Variants in SYNPR observed in about 807,000 individuals in gnomAD.
SYNPR encodes the protein synaptoporin.
In SYNPR, 23 loss-of-function variants were observed where a neutral mutation model predicts 32.9. The observed-to-expected ratio is 0.70, with a 90% CI of 0.50 to 0.99. SYNPR has a LOEUF of 0.99. SYNPR is among the 50% of genes least tolerant of loss of function. The pLI is 0.00. For synonymous variants in SYNPR, 146 were observed against 135.9 expected (o/e 1.07, Z -0.52); for missense variants, 318 against 349.3 (o/e 0.91, Z 0.71).
chr3:63,501,402 C>G (rs1314706643), intron 3 of SYNPR, among the ~76,000 whole-genome samples: 1 of 150,440 alleles, frequency 6.6e-6, no homozygotes, highest in East Asian at 2.0e-4. Context: ...TCACTTGCAC[C>G]TGGGAGGTTA....
intron 1 of SYNPR, among the ~76,000 whole-genome samples, chr3:63,237,738 A>G (rs2086210349): frequency 6.6e-6 from 1 of 152,044 alleles, no homozygotes; most frequent in African/African-American, 2.4e-5. Flanking sequence ...TGTGATGTCA[A>G]TGACAGCTTA....
chr3:63,208,513 A>C, the SYNPR span, among the ~76,000 whole-genome samples: 1 of 152,232 alleles, frequency 6.6e-6, no homozygotes. Context: ...TCCTCTAGGA[A>C]ACAAAGCCGT....
chr3:63,295,896 T>A (rs974649756), intron 2 of SYNPR, among the ~76,000 whole-genome samples: 1 of 152,208 alleles, frequency 6.6e-6, no homozygotes, highest in Non-Finnish European at 1.5e-5. Flanking sequence ...CACCTTGAGC[T>A]TGTATATCTT....
At chr3:63,487,271 T>C (rs7633619) in intron 3 of SYNPR, among the ~76,000 whole-genome samples, 65,677 of 151,988 alleles carry the variant, frequency 0.43, 14,231 homozygotes, top group East Asian at 0.49. Flanking sequence ...GATTCAAATC[T>C]TCCACTCAGC....
intron 2 of SYNPR, among the ~76,000 whole-genome samples, chr3:63,425,737 T>C (rs995134938): frequency 6.6e-6 from 1 of 151,988 alleles, no homozygotes; most frequent in Non-Finnish European, 1.5e-5. Context: ...TAACACTTAT[T>C]CATGGAATTA....
chr3:63,373,662 G>A (rs1338193322), intron 2 of SYNPR, among the ~76,000 whole-genome samples: 1 of 152,148 alleles, frequency 6.6e-6, no homozygotes, highest in South Asian at 2.1e-4. Context: ...CATGTATCAG[G>A]ATATCTATGA....
chr3:63,461,623 C>G (rs1234146924), intron 2 of SYNPR, among the ~76,000 whole-genome samples: 1 of 151,894 alleles, frequency 6.6e-6, no homozygotes, highest in Non-Finnish European at 1.5e-5. Context: ...CAAGTTCTCA[C>G]CCTATGCCAG....
chr3:63,466,689 C>T (rs1390845330), intron 2 of SYNPR, among the ~76,000 whole-genome samples: 1 of 148,490 alleles, frequency 6.7e-6, no homozygotes, highest in African/African-American at 2.5e-5. Flanking sequence ...GGAATCCAAG[C>T]TGAAGGTGCT....
chr3:63,263,611 T>C (rs72878273), intron 2 of SYNPR, among the ~76,000 whole-genome samples: 12,038 of 152,206 alleles, frequency 0.079, 1,384 homozygotes, highest in African/African-American at 0.25. Context: ...GAGGATCCAT[T>C]TCCAAGAAGT....
At chr3:63,224,952 G>A (rs552387899), upstream of SYNPR, among the ~76,000 whole-genome samples, 48 of 152,288 alleles carry the variant, frequency 3.2e-4, no homozygotes, top group East Asian at 9.7e-4. Context: ...AGGGTGGATC[G>A]TCCTGCCAGG....
chr3:63,362,669 G>A (rs989873738), intron 2 of SYNPR, among the ~76,000 whole-genome samples: 1 of 152,134 alleles, frequency 6.6e-6, no homozygotes, highest in African/African-American at 2.4e-5. Flanking sequence ...TAGGGTGAAA[G>A]TACTGCATGC....
chr3:63,370,292 T>C (rs1280372496), intron 2 of SYNPR, among the ~76,000 whole-genome samples: 1 of 152,184 alleles, frequency 6.6e-6, no homozygotes, highest in South Asian at 2.1e-4. Context: ...ACAATGATAT[T>C]TTAAACTTGG....
intron 2 of SYNPR, among the ~76,000 whole-genome samples, chr3:63,479,725 C>T (rs1036815155): frequency 2.6e-5 from 4 of 152,098 alleles, no homozygotes; most frequent in Admixed American, 6.5e-5. Flanking sequence ...TGTGTCACAC[C>T]GCAAATAGCA....
At chr3:63,506,812 C>A (rs1310251233) in intron 3 of SYNPR, among the ~76,000 whole-genome samples, 3 of 152,108 alleles carry the variant, frequency 2.0e-5, no homozygotes, top group Non-Finnish European at 1.5e-5. Flanking sequence ...AAGTTAAAAA[C>A]CTCCATGCTG....
intron 2 of SYNPR, among the ~76,000 whole-genome samples, chr3:63,323,862 C>A (rs2087137202): frequency 6.6e-6 from 1 of 152,112 alleles, no homozygotes; most frequent in Admixed American, 6.5e-5. Context: ...ATTTAATACT[C>A]ACAACATTCC....
chr3:63,295,886 C>G lies in SYNPR; in HGVS notation c.84+17144C>G, dbSNP rs185436609. 1.3e-4 allele frequency among the ~76,000 whole-genome samples: 20 copies of G among 152,314 alleles called. 1 individual carries two copies. In the Middle Eastern group the frequency reaches 0.01, roughly 78 times the overall value. ...CCCATCTACTTATGAAACTGCAAAG[C>G]ACCTTGAGCTTGTATATCTTTTGCT... On this transcript the variant is annotated intron_variant, in intron 2 of 5. Coordinates refer to ENST00000478300, the MANE Select transcript of SYNPR (RefSeq NM_001130003.2).
the SYNPR span, among the ~76,000 whole-genome samples, chr3:63,201,032 T>C: frequency 2.6e-5 from 4 of 152,164 alleles, no homozygotes; most frequent in Admixed American, 1.3e-4. Context: ...GTATTTTGTA[T>C]GGATTAGGTT....
chr3:63,406,797 G>A (rs184249141), intron 2 of SYNPR, among the ~76,000 whole-genome samples: 2 of 152,250 alleles, frequency 1.3e-5, no homozygotes, highest in East Asian at 3.9e-4. Flanking sequence ...GCAGGAATGA[G>A]TTCTATTAAC....
intron 2 of SYNPR, among the ~76,000 whole-genome samples, chr3:63,391,762 T>A (rs1212641095): frequency 6.6e-6 from 1 of 152,186 alleles, no homozygotes; most frequent in Non-Finnish European, 1.5e-5. Flanking sequence ...AGTGGCAGAC[T>A]GAGAGGTGGA....
Sources: allele counts gnomAD v4.1 joint callset (sites outside exome capture counted in the v4.1 genomes callset), GRCh38; gene constraint gnomAD v4.1.1; transcripts MANE v1.5; gene names NCBI Gene and HGNC (gene_info 2026-07-23, HGNC 2026-07-21).